PDE7B: variants seen among roughly 807,000 people sequenced by gnomAD.
PDE7B encodes phosphodiesterase 7B, also known as 3',5'-cyclic-AMP phosphodiesterase 7B.
Under a neutral mutation model 56.2 loss-of-function variants are expected in PDE7B, and 29 were observed. The ratio of observed to expected loss-of-function variants is 0.52; its 90% CI spans 0.38 to 0.70. PDE7B has a LOEUF of 0.70. PDE7B is among the 30% of genes least tolerant of loss of function. The probability of loss-of-function intolerance (pLI) is 0.00; values close to 1 mark genes in which losing one functional copy is unlikely to be tolerated. For missense variants in PDE7B, 490 were observed against 565.0 expected, an observed-to-expected ratio of 0.87 and a Z score of 1.35; for synonymous variants, 197 against 196.9, an observed-to-expected ratio of 1.00 and a Z score of 0.00.
rs1168549710 is a variant in PDE7B, at chr6:136,149,033, G to A, written c.319-54G>A. 16 of 1,229,628 alleles carry A rather than the reference G, an allele frequency of 1.3e-5. 1 individual carries two copies. Among genetic ancestry groups the A allele is most frequent in the Non-Finnish European group, 1.8e-5 (15 of 830,834 alleles). The allele number at this position is 1,229,628 out of a possible 1,614,324, so 76.2% of individuals were successfully genotyped here. A position where few individuals can be genotyped will look rare whatever the true frequency, so the allele number is the denominator to read the frequency against. Reference sequence around the variant, plus strand: ...TAATCCACTATATCCCAAAGTAAATGTTTGAGTCTCCAGTGTGATTCATTT... The same window carrying A: ...TAATCCACTATATCCCAAAGTAAATATTTGAGTCTCCAGTGTGATTCATTT... On this transcript the variant is annotated intron_variant, in intron 4 of 12. Transcript: ENST00000308191.
chr6:136,138,425 TTATATCTTCG>T (rs1562502532), intron 3 of PDE7B, among the ~76,000 whole-genome samples: 1 of 152,142 alleles, frequency 6.6e-6, no homozygotes, highest in African/African-American at 2.4e-5. Context: ...CTTCAGCTTC[TTATATCTTCG>T]TTTTTCTTTA....
At chr6:136,185,049 G>A (rs144422339) in intron 11 of PDE7B, among the ~76,000 whole-genome samples, 110 of 152,242 alleles carry the variant, frequency 7.2e-4, no homozygotes, top group African/African-American at 2.5e-3. Flanking sequence ...GAGGTGAGGA[G>A]TGAAACTGGC....
At chr6:136,100,205 C>T (rs753694648) in intron 2 of PDE7B, among the ~76,000 whole-genome samples, 6 of 152,094 alleles carry the variant, frequency 3.9e-5, no homozygotes, top group African/African-American at 9.7e-5. Context: ...AGTCAGGTAA[C>T]GTGATGCCCC....
intron 2 of PDE7B, among the ~76,000 whole-genome samples, chr6:136,054,541 C>T (rs139667757): frequency 6.6e-6 from 1 of 152,126 alleles, no homozygotes; most frequent in Non-Finnish European, 1.5e-5. Flanking sequence ...AATGCGAGCC[C>T]TTTTTTGGTT....
chr6:135,860,704 CAG>C (rs1775129256), intron 1 of PDE7B, among the ~76,000 whole-genome samples: 1 of 151,966 alleles, frequency 6.6e-6, no homozygotes, highest in African/African-American at 2.4e-5. Flanking sequence ...ATGCTTAGAA[CAG>C]AGTATGAAAG....
At chr6:136,174,753 G>C (rs888054004) in intron 9 of PDE7B, among the ~76,000 whole-genome samples, 3 of 152,142 alleles carry the variant, frequency 2.0e-5, no homozygotes, top group Admixed American at 6.5e-5. Context: ...TTGATCTCAT[G>C]CTGTTTCCTA....
In PDE7B at chr6:135,898,472, T is replaced by C. The variant is rs959252541; in HGVS notation, c.21+46453T>C. 1.5e-3 allele frequency among the ~76,000 whole-genome samples: 221 copies of C among 152,262 alleles called. 1 individual carries two copies. Among genetic ancestry groups the C allele is most frequent in the African/African-American group, 4.9e-3 (202 of 41,564 alleles). ...GTCCCCCAGAGACAGAATATTTTGTTTGAATGAAGAATGCAGTTATATATG... is the reference window on the plus strand; with the variant it reads ...GTCCCCCAGAGACAGAATATTTTGTCTGAATGAAGAATGCAGTTATATATG... On this transcript the variant is annotated intron_variant, in intron 1 of 12. Coordinates refer to ENST00000308191, the MANE Select transcript of PDE7B (RefSeq NM_018945.4).
intron 2 of PDE7B, among the ~76,000 whole-genome samples, chr6:135,979,820 A>G (rs1775261928): frequency 6.6e-6 from 1 of 152,144 alleles, no homozygotes; most frequent in Non-Finnish European, 1.5e-5. Context: ...AACATTCTAT[A>G]CTCATGGGTA....
intron 2 of PDE7B, among the ~76,000 whole-genome samples, chr6:135,973,339 G>T (rs1775126986): frequency 6.6e-6 from 1 of 152,050 alleles, no homozygotes; most frequent in Admixed American, 6.6e-5. Flanking sequence ...GTATTCCATT[G>T]TATGCGTCTA....
chr6:136,188,150 G>T (rs567329585), intron 12 of PDE7B, among the ~76,000 whole-genome samples: 1 of 152,224 alleles, frequency 6.6e-6, no homozygotes, highest in African/African-American at 2.4e-5. Context: ...CTAATCCACC[G>T]TCCCACAGTG....
intron 2 of PDE7B, among the ~76,000 whole-genome samples, chr6:135,976,135 G>A (rs1025591259): frequency 1.3e-5 from 2 of 152,104 alleles, no homozygotes; most frequent in African/African-American, 4.8e-5. Context: ...AATCAAACTA[G>A]TTACAAATGA....
intron 3 of PDE7B, among the ~76,000 whole-genome samples, chr6:136,146,173 G>T (rs1778410120): frequency 1.3e-5 from 2 of 152,234 alleles, no homozygotes; most frequent in South Asian, 4.1e-4. Flanking sequence ...GAAAGGGGGA[G>T]ATGGGAGAAG....
intron 1 of PDE7B, among the ~76,000 whole-genome samples, chr6:135,877,419 G>T: frequency 6.9e-6 from 1 of 144,170 alleles, no homozygotes. Flanking sequence ...TTTCAGATTT[G>T]GGCTTTCAAT....
chr6:135,943,719 TCTAC>T (rs1387639888), intron 1 of PDE7B, among the ~76,000 whole-genome samples: 11 of 152,194 alleles, frequency 7.2e-5, no homozygotes, highest in Non-Finnish European at 1.3e-4. Context: ...AGATATTTAG[TCTAC>T]CTAATCCACA....
intron 1 of PDE7B, among the ~76,000 whole-genome samples, chr6:135,860,044 T>A (rs1775116265): frequency 6.6e-6 from 1 of 152,038 alleles, no homozygotes; most frequent in Non-Finnish European, 1.5e-5. Context: ...CATTTTTAGA[T>A]TTCAGGTGTC....
At chr6:136,098,883 G>C (rs370931849) in intron 2 of PDE7B, among the ~76,000 whole-genome samples, 1 of 151,700 alleles carries the variant, frequency 6.6e-6, no homozygotes, top group Non-Finnish European at 1.5e-5. Flanking sequence ...CCATTAACTC[G>C]TCATTTACAT....
chr6:136,003,362 T>C (rs1775710047), intron 2 of PDE7B, among the ~76,000 whole-genome samples: 1 of 151,726 alleles, frequency 6.6e-6, no homozygotes, highest in Non-Finnish European at 1.5e-5. Flanking sequence ...AGAGCAGAAC[T>C]GAAGGAAATA....
At chr6:136,188,804 A>T (rs1236528045) in intron 12 of PDE7B, among the ~76,000 whole-genome samples, 2 of 152,200 alleles carry the variant, frequency 1.3e-5, no homozygotes, top group Non-Finnish European at 2.9e-5. Flanking sequence ...TGAATAGGGA[A>T]ATCCTATGGA....
At chr6:135,877,164 T>A (rs1298899958) in intron 1 of PDE7B, among the ~76,000 whole-genome samples, 1 of 152,142 alleles carries the variant, frequency 6.6e-6, no homozygotes, top group South Asian at 2.1e-4. Flanking sequence ...GCAACCTGCT[T>A]GTTTTGTGGA....
Sources: gnomAD v4.1 joint callset for allele counts (sites outside exome capture counted in the v4.1 genomes callset) on GRCh38, gnomAD v4.1.1 for gene constraint, MANE v1.5 for transcripts, NCBI Gene and HGNC (gene_info 2026-07-23, HGNC 2026-07-21) for gene names.